The following VEPH1 variants were observed in gnomAD, a reference collection of about 807,000 sequenced individuals.
The protein encoded by VEPH1 is ventricular zone expressed PH domain containing 1, also known as ventricular zone-expressed PH domain-containing protein homolog 1.
Under a neutral mutation model 85.2 loss-of-function variants are expected in VEPH1, and 80 were observed. The ratio of observed to expected loss-of-function variants is 0.94; its 90% confidence interval spans 0.78 to 1.13. The LOEUF (loss-of-function observed/expected upper bound fraction) is 1.13. Among genes scored for constraint, VEPH1 ranks in the 50% most tolerant of loss-of-function variants. VEPH1 has a pLI of 0.00. For missense variants in VEPH1, 955 were observed against 980.5 expected (o/e 0.97, Z 0.35); for synonymous variants, 297 against 348.0 (o/e 0.85, Z 1.63).
chr3:157,436,404 A>T (rs1276483967), intron 4 of VEPH1, among the ~76,000 whole-genome samples: 1 of 152,182 alleles, frequency 6.6e-6, no homozygotes, highest in Non-Finnish European at 1.5e-5. Context: ...TTGGAATCAG[A>T]CCATTTTCAG....
intron 9 of VEPH1, among the ~76,000 whole-genome samples, chr3:157,318,630 A>AG: frequency 1.4e-5 from 1 of 72,362 alleles, no homozygotes; most frequent in African/African-American, 4.4e-5. Flanking sequence ...AAAACAAAAA[A>AG]AAAAAGAAAG....
chr3:157,377,096 G>A (rs1409409489), intron 7 of VEPH1, among the ~76,000 whole-genome samples: 5 of 152,138 alleles, frequency 3.3e-5, no homozygotes, highest in Non-Finnish European at 5.9e-5. Context: ...ACAAAAGGCT[G>A]GCTGTCCACA....
intron 6 of VEPH1, among the ~76,000 whole-genome samples, chr3:157,401,613 C>G (rs1023671884): frequency 6.6e-5 from 10 of 152,020 alleles, no homozygotes; most frequent in African/African-American, 2.2e-4. Flanking sequence ...AAGTGTAAAC[C>G]TTGCCTTGGA....
intron 13 of VEPH1, among the ~76,000 whole-genome samples, chr3:157,262,977 G>A (rs1713116434): frequency 6.6e-6 from 1 of 152,198 alleles, no homozygotes; most frequent in African/African-American, 2.4e-5. Context: ...AAGATGGACA[G>A]TGAATCAACT....
intron 11 of VEPH1, among the ~76,000 whole-genome samples, chr3:157,311,501 G>C (rs1450771049): frequency 6.6e-6 from 1 of 152,074 alleles, no homozygotes; most frequent in Non-Finnish European, 1.5e-5. Flanking sequence ...AGAAATACTT[G>C]GGCAGATAAA....
At chr3:157,300,651 A>C (rs1454588327) in intron 11 of VEPH1, among the ~76,000 whole-genome samples, 1 of 152,232 alleles carries the variant, frequency 6.6e-6, no homozygotes, top group African/African-American at 2.4e-5. Context: ...TAAGAGGATT[A>C]AAAAGAAAGA....
At chr3:157,472,641 C>T (rs6441131) in intron 2 of VEPH1, among the ~76,000 whole-genome samples, 7,869 of 152,094 alleles carry the variant, frequency 0.052, 674 homozygotes, top group African/African-American at 0.18. Context: ...AGTACCCATT[C>T]GTTATTTTTT....
intron 9 of VEPH1, among the ~76,000 whole-genome samples, chr3:157,338,703 A>G (rs2108635433): frequency 6.6e-6 from 1 of 152,316 alleles, no homozygotes; most frequent in East Asian, 1.9e-4. Flanking sequence ...AAGACAATTA[A>G]CTTTTCCTAA....
chr3:157,288,009 C>A (rs1717003116), intron 11 of VEPH1, among the ~76,000 whole-genome samples: 1 of 152,186 alleles, frequency 6.6e-6, no homozygotes, highest in South Asian at 2.1e-4. Context: ...CCAATGAGTT[C>A]CTCTTTAAGG....
rs143461288 is a variant in VEPH1 at position 157,465,239 on chromosome 3, G to A, written c.355-4884C>T. ...TACTATATGCCAGGCACTATTCTACGTGCTGGGATTACTTCAGTGAATAGA... is the reference window on the plus strand; with the variant it reads ...TACTATATGCCAGGCACTATTCTACATGCTGGGATTACTTCAGTGAATAGA... On this transcript the variant is annotated intron_variant, in intron 3 of 13. Transcript: ENST00000362010. 6.5e-4 allele frequency among the ~76,000 whole-genome samples: 99 copies of A among 152,270 alleles called. 5 individuals are homozygous for A. Among genetic ancestry groups the A allele is most frequent in the East Asian group, 4.0e-3 (21 of 5,186 alleles).
chr3:157,437,379 G>C, intron 4 of VEPH1: 1 of 1,077,204 alleles, frequency 9.3e-7, no homozygotes, highest in Non-Finnish European at 1.3e-6. Context: ...CTGTTTTTCG[G>C]AGGTGTCCTT....
At chr3:157,375,711 A>G (rs902398620) in intron 7 of VEPH1, among the ~76,000 whole-genome samples, 1 of 151,908 alleles carries the variant, frequency 6.6e-6, no homozygotes, top group African/African-American at 2.4e-5. Context: ...CCTTTGTATC[A>G]TCTCTTTTCA....
chr3:157,317,677 T>G (rs1294611943), intron 9 of VEPH1, among the ~76,000 whole-genome samples: 1 of 152,198 alleles, frequency 6.6e-6, no homozygotes, highest in Non-Finnish European at 1.5e-5. Flanking sequence ...TCCTGTGAAC[T>G]GTACTGGTCG....
intron 11 of VEPH1, among the ~76,000 whole-genome samples, chr3:157,293,333 T>G (rs75305360): frequency 0.05 from 7,612 of 152,252 alleles, 339 homozygotes; most frequent in South Asian, 0.2. Flanking sequence ...GCCTAATTAG[T>G]AAGGGAACTC....
chr3:157,470,652 G>A (rs1736852720), intron 2 of VEPH1, 123 bp from the exon 3 acceptor site: 1 of 837,504 alleles, frequency 1.2e-6, no homozygotes, highest in East Asian at 2.5e-5. Context: ...GGGTGAGGGT[G>A]TAAAGCCTAA....
chr3:157,428,920 C>T (rs1732944315), intron 4 of VEPH1, among the ~76,000 whole-genome samples: 1 of 152,168 alleles, frequency 6.6e-6, no homozygotes, highest in African/African-American at 2.4e-5. Flanking sequence ...AATGAATTCA[C>T]ATTCCTGGAA....
chr3:157,315,289 C>T (rs890978913), intron 10 of VEPH1, among the ~76,000 whole-genome samples: 1 of 151,864 alleles, frequency 6.6e-6, no homozygotes, highest in Admixed American at 6.6e-5. Context: ...TCTTAATGCT[C>T]AAGTTAGTGA....
At chr3:157,424,965 A>C (rs10936090) in intron 5 of VEPH1, among the ~76,000 whole-genome samples, 89,263 of 152,106 alleles carry the variant, frequency 0.59, 26,402 homozygotes, top group East Asian at 0.68. Flanking sequence ...GTGTCCAGGG[A>C]ATTTCAGAGG....
chr3:157,438,588 T>G (rs1279397719), intron 4 of VEPH1, among the ~76,000 whole-genome samples: 1 of 152,144 alleles, frequency 6.6e-6, no homozygotes, highest in East Asian at 1.9e-4. Flanking sequence ...CGTGGAACAG[T>G]CAGGTGTAGG....
Sources: allele counts gnomAD v4.1 joint callset (sites outside exome capture counted in the v4.1 genomes callset), GRCh38; gene constraint gnomAD v4.1.1; transcripts MANE v1.5; gene names NCBI Gene and HGNC (gene_info 2026-07-23, HGNC 2026-07-21).